The following CLVS1 variants were observed in gnomAD, a reference collection of about 807,000 sequenced individuals.
The protein encoded by CLVS1 is clavesin 1.
In CLVS1, 10 loss-of-function variants were observed where a neutral mutation model predicts 33.1. The ratio of observed to expected loss-of-function variants is 0.30; its 90% CI spans 0.19 to 0.51. The LOEUF (loss-of-function observed/expected upper bound fraction) is 0.51, where lower values mean the gene tolerates loss of function less well. Among genes scored for constraint, CLVS1 ranks in the 20% least tolerant of loss-of-function variants. The probability of loss-of-function intolerance (pLI) is 0.97; values close to 1 mark genes in which losing one functional copy is unlikely to be tolerated. For synonymous variants in CLVS1, 163 were observed against 166.1 expected, an observed-to-expected ratio of 0.98 and a Z score of 0.14; for missense variants, 343 against 433.4, an observed-to-expected ratio of 0.79 and a Z score of 1.85.
Position 61,300,091 on chromosome 8 carries a change from G to A in CLVS1, c.264G>A (p.Ala88=), listed in dbSNP as rs138738708. 1.9e-4 allele frequency: 307 copies of A among 1,613,976 alleles called. No individual in the cohort carries two copies. In the African/African-American group the frequency reaches 2.6e-3, roughly 14 times the overall value. The change falls in exon 2 of 6, where the codon GCG becomes GCA. Residue 88 remains alanine (A), a synonymous_variant. Transcript: ENST00000325897. ...TCCGAGCCAGGAAGTTTCACCAAGC[G>A]GATGCCTTTAGACTCCTGGCTCAGT... ...RFLRARKFHQ[A]DAFRLLAQYF... is the part of the protein sequence containing the mutation.
chr8:60,978,824 A>AC, the CLVS1 span, among the ~76,000 whole-genome samples: 1 of 150,840 alleles, frequency 6.6e-6, no homozygotes, highest in Non-Finnish European at 1.5e-5. Flanking sequence ...AAAAAAAAAA[A>AC]AAAAAAAAAG....
chr8:61,203,080 C>G, intron 2 of CLVS1: 2 of 1,297,664 alleles, frequency 1.5e-6, no homozygotes, highest in Non-Finnish European at 2.2e-6. Context: ...CTGTAAAAGA[C>G]ATTAAAGCAA....
intron 5 of CLVS1, among the ~76,000 whole-genome samples, chr8:61,497,443 G>GC (rs1554581108): frequency 3.9e-4 from 1 of 2,546 alleles, no homozygotes; most frequent in African/African-American, 1.0e-3. Context: ...GGTTTTTATT[G>GC]GGGGGGGGGT....
chr8:61,103,402 A>G (rs1352374275), intron 1 of CLVS1, among the ~76,000 whole-genome samples: 1 of 152,228 alleles, frequency 6.6e-6, no homozygotes, highest in Non-Finnish European at 1.5e-5. Context: ...CATATTTTAA[A>G]CTGGATAAAC....
intron 1 of CLVS1, among the ~76,000 whole-genome samples, chr8:61,129,207 G>C (rs1166055005): frequency 2.0e-5 from 3 of 152,242 alleles, no homozygotes; most frequent in Non-Finnish European, 2.9e-5. Flanking sequence ...CTGTTGGCTA[G>C]ATAATTTAAC....
chr8:61,361,977 AC>A (rs1812997413), intron 2 of CLVS1, among the ~76,000 whole-genome samples: 1 of 152,198 alleles, frequency 6.6e-6, no homozygotes, highest in South Asian at 2.1e-4. Flanking sequence ...ATGAAAAATT[AC>A]TAGGAGAAAC....
chr8:60,998,362 C>T, the CLVS1 span, among the ~76,000 whole-genome samples: 4 of 152,140 alleles, frequency 2.6e-5, no homozygotes, highest in Non-Finnish European at 5.9e-5. Context: ...ACTTATTTGA[C>T]CTTGATTCCA....
At chr8:61,294,993 C>G (rs1810140593) in intron 1 of CLVS1, among the ~76,000 whole-genome samples, 1 of 152,124 alleles carries the variant, frequency 6.6e-6, no homozygotes, top group Non-Finnish European at 1.5e-5. Context: ...CTACAGATAA[C>G]ATTATTTTAA....
the CLVS1 span, among the ~76,000 whole-genome samples, chr8:60,996,972 GT>G: frequency 6.6e-6 from 1 of 151,348 alleles, no homozygotes. Flanking sequence ...CCTCACCCCC[GT>G]CCCCACCTTA....
intron 2 of CLVS1, among the ~76,000 whole-genome samples, chr8:61,236,043 C>T (rs1035640556): frequency 9.9e-5 from 15 of 152,164 alleles, no homozygotes; most frequent in Admixed American, 9.8e-4. Context: ...TTGTGATCCT[C>T]CTGGACTGCT....
At chr8:61,369,966 T>C (rs1813365740) in intron 2 of CLVS1, among the ~76,000 whole-genome samples, 1 of 152,190 alleles carries the variant, frequency 6.6e-6, no homozygotes, top group African/African-American at 2.4e-5. Context: ...ACATCATAGT[T>C]ATTTTAGGAA....
At chr8:61,320,785 CCTT>C (rs1396153761) in intron 2 of CLVS1, among the ~76,000 whole-genome samples, 1 of 152,132 alleles carries the variant, frequency 6.6e-6, no homozygotes, top group Non-Finnish European at 1.5e-5. Context: ...AAAGGCTCCA[CCTT>C]CTAATTCCAT....
At chr8:61,445,961 T>C (rs1816746581) in intron 3 of CLVS1, among the ~76,000 whole-genome samples, 1 of 152,202 alleles carries the variant, frequency 6.6e-6, no homozygotes, top group Non-Finnish European at 1.5e-5. Context: ...CTTTATAGTA[T>C]TCCCGGCTTA....
At chr8:61,386,758 A>C (rs1370032242) in intron 3 of CLVS1, among the ~76,000 whole-genome samples, 1 of 152,206 alleles carries the variant, frequency 6.6e-6, no homozygotes, top group Non-Finnish European at 1.5e-5. Context: ...GCTGCTGATG[A>C]TGGTAATGAT....
chr8:61,328,444 G>A (rs941048653), intron 2 of CLVS1, among the ~76,000 whole-genome samples: 1 of 152,148 alleles, frequency 6.6e-6, no homozygotes, highest in Admixed American at 6.5e-5. Flanking sequence ...ACATGGGCCA[G>A]CTACAGCTTG....
chr8:61,111,681 C>T (rs1257887318), intron 1 of CLVS1, among the ~76,000 whole-genome samples: 1 of 152,124 alleles, frequency 6.6e-6, no homozygotes, highest in African/African-American at 2.4e-5. Flanking sequence ...GCCTAGCTCT[C>T]TGCTATTAGT....
At chr8:61,287,611 A>C (rs1380179210), upstream of CLVS1, among the ~76,000 whole-genome samples, 1 of 152,110 alleles carries the variant, frequency 6.6e-6, no homozygotes, top group Non-Finnish European at 1.5e-5. Flanking sequence ...ATCTATGTGT[A>C]ATTTATTTTG....
At chr8:61,356,514 C>A (rs1200309084) in intron 2 of CLVS1, among the ~76,000 whole-genome samples, 1 of 151,044 alleles carries the variant, frequency 6.6e-6, no homozygotes, top group Admixed American at 6.6e-5. Context: ...AATGGTAATG[C>A]CTAGGTTTTC....
chr8:61,090,429 A>C (rs1374175274), intron 1 of CLVS1, among the ~76,000 whole-genome samples: 1 of 152,190 alleles, frequency 6.6e-6, no homozygotes, highest in African/African-American at 2.4e-5. Flanking sequence ...TGAACAGGAC[A>C]AGAGAGGATA....
Sources: gnomAD v4.1 joint callset for allele counts (sites outside exome capture counted in the v4.1 genomes callset) on GRCh38, gnomAD v4.1.1 for gene constraint, MANE v1.5 for transcripts, NCBI Gene and HGNC (gene_info 2026-07-23, HGNC 2026-07-21) for gene names.